The following TOPBP1 variants were observed in gnomAD, a reference collection of about 807,000 sequenced individuals.
TOPBP1 encodes the protein DNA topoisomerase II binding protein 1.
Under a neutral mutation model 167.7 loss-of-function variants are expected in TOPBP1, and 28 were observed. That is an observed-to-expected ratio of 0.17 (90% confidence interval 0.12 to 0.23). The LOEUF (loss-of-function observed/expected upper bound fraction) is 0.23, where lower values mean the gene tolerates loss of function less well. Ranked by LOEUF, TOPBP1 falls within the 10% of genes least tolerant of loss-of-function variation. The probability of loss-of-function intolerance (pLI) is 1.00; values close to 1 mark genes in which losing one functional copy is unlikely to be tolerated. For missense variants in TOPBP1, 1,554 were observed against 1,809.6 expected (o/e 0.86, Z 2.56); for synonymous variants, 598 against 611.4 (o/e 0.98, Z 0.32).
rs115906874 is a variant in TOPBP1 at position 133,653,629 on chromosome 3, A to C, written c.743-105T>G. ...AATATTCAAATTATAACAGGTTAAT[A>C]TTTTTTTTTTTTTTTTGAGATGGAG... On this transcript the variant is annotated intron_variant, in intron 6 of 27. Coordinates refer to ENST00000260810, the MANE Select transcript of TOPBP1 (RefSeq NM_007027.4). 2,317 of 773,366 alleles carry C rather than the reference A, an allele frequency of 3.0e-3. 41 individuals are homozygous for C. The African/African-American group carries it at 0.041, about 14-fold the overall frequency. 47.9% of individuals were successfully genotyped at this position (773,366 alleles called of 1,614,324 possible).
chr3:133,657,772 T>C, intron 4 of TOPBP1, 26 bp downstream of exon 4: 1 of 1,481,226 alleles, frequency 6.8e-7, no homozygotes, highest in Non-Finnish European at 9.0e-7. Flanking sequence ...TATAAATTGA[T>C]CAATCATCAT....
chr3:133,636,551 ATGTGTTTTTTGTAT>A (rs1935683937), intron 14 of TOPBP1, among the ~76,000 whole-genome samples: 1 of 152,170 alleles, frequency 6.6e-6, no homozygotes, highest in South Asian at 2.1e-4. Flanking sequence ...AAAATCTTTA[ATGTGTTTTTTGTAT>A]TGAGGCTATT....
chr3:133,608,812 T>C (rs974312090), intron 26 of TOPBP1, 61 bp downstream of exon 26: 54 of 1,571,660 alleles, frequency 3.4e-5, no homozygotes, highest in Non-Finnish European at 4.2e-5. Context: ...GAACTCATCA[T>C]AGCAATCTTG....
chr3:133,648,318 G>T (rs1276262317), intron 10 of TOPBP1, among the ~76,000 whole-genome samples: 4 of 152,238 alleles, frequency 2.6e-5, no homozygotes, highest in Non-Finnish European at 1.5e-5. Flanking sequence ...GGTCTCAGAT[G>T]TAAAAAGAAC....
intron 16 of TOPBP1, 80 bp from the exon 17 acceptor site, chr3:133,624,255 C>A: frequency 6.6e-7 from 1 of 1,510,750 alleles, no homozygotes; most frequent in Non-Finnish European, 9.0e-7. Flanking sequence ...TTACTGTGAA[C>A]AGAATATTCT....
At chr3:133,632,828 A>G (rs753826256) in intron 14 of TOPBP1, among the ~76,000 whole-genome samples, 74 of 152,170 alleles carry the variant, frequency 4.9e-4, no homozygotes, top group South Asian at 1.2e-3. Context: ...GCTGGAGTAC[A>G]GCGGCATGAT....
rs147776110 is a variant in TOPBP1, at chr3:133,638,219, G to A, written c.2234-57C>T. On this transcript the variant is annotated intron_variant, in intron 13 of 27. Transcript: ENST00000260810. The stretch of plus-strand genomic sequence containing the variant: ...GAGCCACTAATGCCCACTTTTTCCC[G>A]GTACACAAGAAGTAATATTTTATAC... 1.5e-3 allele frequency: 2,169 copies of A among 1,494,694 alleles called. 32 individuals are homozygous for A. In the African/African-American group the frequency reaches 0.024, roughly 16 times the overall value. The allele number at this position is 1,494,694 out of a possible 1,614,324, so 92.6% of individuals were successfully genotyped here. A position where few individuals can be genotyped will look rare whatever the true frequency, so the allele number is the denominator to read the frequency against.
chr3:133,632,174 G>A (rs1935508444), intron 14 of TOPBP1, among the ~76,000 whole-genome samples: 1 of 151,926 alleles, frequency 6.6e-6, no homozygotes. Flanking sequence ...GGAGGCTGAG[G>A]TGGGTGGATC....
At chr3:133,634,552 T>A (rs553790084) in intron 14 of TOPBP1, among the ~76,000 whole-genome samples, 2 of 151,992 alleles carry the variant, frequency 1.3e-5, no homozygotes, top group Admixed American at 6.5e-5. Context: ...AAAATCCACA[T>A]GACCTCCAGG....
chr3:133,655,853 T>C (rs1010381506), intron 5 of TOPBP1, among the ~76,000 whole-genome samples: 3 of 152,188 alleles, frequency 2.0e-5, no homozygotes, highest in African/African-American at 7.2e-5. Flanking sequence ...CTTTCCATTA[T>C]TCTATACAAG....
At chr3:133,643,823 G>A (rs1935981044) in intron 11 of TOPBP1, among the ~76,000 whole-genome samples, 197 bp downstream of exon 11, 1 of 152,194 alleles carries the variant, frequency 6.6e-6, no homozygotes, top group Non-Finnish European at 1.5e-5. Flanking sequence ...CTGGGAAACA[G>A]TAATCTCTAC....
chr3:133,654,656 G>A (rs1439515740), intron 6 of TOPBP1, among the ~76,000 whole-genome samples: 5 of 152,122 alleles, frequency 3.3e-5, no homozygotes, highest in Non-Finnish European at 2.9e-5. Context: ...ATCAATTTGT[G>A]TATATTTTAA....
chr3:133,649,232 G>A, intron 10 of TOPBP1, 151 bp downstream of exon 10: 3 of 1,029,884 alleles, frequency 2.9e-6, no homozygotes, highest in Non-Finnish European at 4.1e-6. Flanking sequence ...TGTCTTGCCT[G>A]CTCAGAAAAA....
Position 133,616,835 on chromosome 3 carries a change from A to T in TOPBP1, c.3850T>A (p.Cys1284Ser). The change falls in exon 23 of 28, where the codon TGT becomes AGT. Residue 1284 changes from cysteine to serine, a missense_variant. Around this residue, in one of 3 missense-constraint regions of TOPBP1, gnomAD observed 351 missense variants for 432.9 expected, o/e 0.81. Coordinates refer to ENST00000260810, the MANE Select transcript of TOPBP1 (RefSeq NM_007027.4). ...SLNPQERIDY[C>S]HLIEKLGGLV... ...GTACCTAGTTTCTCAATCAGATGAC[A>T]ATAGTCAATACGTTCTTGAGGATTC... 6.5e-7 allele frequency: 1 copy of T among 1,536,044 alleles called. No individual in the cohort carries two copies. The highest frequency in any genetic ancestry group is 8.7e-7 in the Non-Finnish European group (1 of 1,146,106).
Position 133,656,669 on chromosome 3 carries a change from T to C in TOPBP1, c.545+7A>G, listed in dbSNP as rs2107835318. 1 of 1,581,210 alleles carries C rather than the reference T, an allele frequency of 6.3e-7. No homozygotes were observed. Among genetic ancestry groups the C allele is most frequent in the Non-Finnish European group, 8.6e-7 (1 of 1,168,152 alleles). The stretch of plus-strand genomic sequence containing the variant: ...AAATCTAGAAAATATAAAAATGTCT[T>C]TCTTACTTCTCTTGTGACTTCTCCC... On this transcript the variant is annotated splice_region_variant and intron_variant, in intron 5 of 27. Coordinates refer to ENST00000260810, the MANE Select transcript of TOPBP1 (RefSeq NM_007027.4).
In TOPBP1 at chr3:133,612,259, C is replaced by T. The variant is rs143926408; in HGVS notation, c.4035+130G>A. 69 of 984,234 alleles carry T rather than the reference C, an allele frequency of 7.0e-5. No individual in the cohort carries two copies. In the African/African-American group the frequency reaches 8.2e-4, roughly 12 times the overall value. 61.0% of individuals were successfully genotyped at this position (984,234 alleles called of 1,614,324 possible). A position where few individuals can be genotyped will look rare whatever the true frequency, so the allele number is the denominator to read the frequency against. ...TTCACCATGTTGGCCAGGCATGTCT[C>T]GAACTCCTGATCTCAGGTGATCCAC... is the stretch of plus-strand genomic sequence containing the variant. On this transcript the variant is annotated intron_variant, in intron 24 of 27. Coordinates refer to ENST00000260810, the MANE Select transcript of TOPBP1 (RefSeq NM_007027.4).
chr3:133,608,514 C>A, intron 27 of TOPBP1, 21 bp downstream of exon 27: 1 of 1,611,568 alleles, frequency 6.2e-7, no homozygotes, highest in South Asian at 1.1e-5. Context: ...ATGAGGAGGT[C>A]AAGGATAGAA....
At position 133,601,126 on chromosome 3, in the gene TOPBP1, T is replaced by C; in HGVS notation, c.*124A>G. 1 of 778,048 alleles carries C rather than the reference T, an allele frequency of 1.3e-6. No homozygotes were observed. Among genetic ancestry groups the C allele is most frequent in the Non-Finnish European group, 2.0e-6 (1 of 496,172 alleles). 48.2% of individuals were successfully genotyped at this position (778,048 alleles called of 1,614,324 possible). The stretch of plus-strand genomic sequence containing the variant: ...TTCAAAACTCAAGAAGGGTCATCAT[T>C]ATACTCTGAAGCAGAATTCTTCAGG... On this transcript the variant is annotated 3_prime_UTR_variant, in exon 28 of 28. Coordinates refer to ENST00000260810, the MANE Select transcript of TOPBP1 (RefSeq NM_007027.4).
intron 6 of TOPBP1, among the ~76,000 whole-genome samples, chr3:133,654,996 G>A (rs1201002167): frequency 6.6e-6 from 1 of 152,066 alleles, no homozygotes; most frequent in Non-Finnish European, 1.5e-5. Context: ...GATCAATTGA[G>A]GTCAGTTAGA....
Sources: allele counts gnomAD v4.1 joint callset (sites outside exome capture counted in the v4.1 genomes callset), GRCh38; gene constraint gnomAD v4.1.1; regional missense constraint gnomAD v4.1.1; transcripts MANE v1.5; gene names NCBI Gene and HGNC (gene_info 2026-07-23, HGNC 2026-07-21).